The following KDM1A variants were observed in gnomAD, a reference collection of about 807,000 sequenced individuals.
The protein encoded by KDM1A is lysine demethylase 1A.
KDM1A carries 49 observed loss-of-function variants against 109.4 expected under a neutral mutation model. That is an observed-to-expected ratio of 0.45 (90% CI 0.36 to 0.57). KDM1A has a LOEUF of 0.57. KDM1A is among the 20% of genes least tolerant of loss of function. The pLI, the probability that KDM1A is intolerant of heterozygous loss-of-function variation, is 0.00. For missense variants in KDM1A, 668 were observed against 1,116.6 expected (o/e 0.60, Z 5.73); for synonymous variants, 380 against 415.4 (o/e 0.91, Z 1.04).
intron 14 of KDM1A, among the ~76,000 whole-genome samples, chr1:23,072,563 T>C (rs935682034): frequency 2.6e-4 from 40 of 152,254 alleles, no homozygotes; most frequent in African/African-American, 8.4e-4. Flanking sequence ...CACTGGGTTT[T>C]TGACAGTGAA....
At chr1:23,042,695 G>A (rs556597908) in intron 2 of KDM1A, among the ~76,000 whole-genome samples, 7 of 150,830 alleles carry the variant, frequency 4.6e-5, no homozygotes, top group African/African-American at 7.3e-5. Flanking sequence ...CTCGTGATCC[G>A]CCCGCCTCGG....
intron 2 of KDM1A, among the ~76,000 whole-genome samples, chr1:23,036,869 A>T (rs970791356): frequency 1.3e-5 from 2 of 152,218 alleles, no homozygotes; most frequent in Admixed American, 6.5e-5. Context: ...CAAATGTAGT[A>T]GTTCCTCATT....
intron 2 of KDM1A, among the ~76,000 whole-genome samples, chr1:23,043,395 T>C (rs940059855): frequency 2.0e-5 from 3 of 152,370 alleles, no homozygotes; most frequent in East Asian, 3.9e-4. Context: ...TAATTTCTTA[T>C]ATCTAAGTAT....
At chr1:23,034,609 C>T (rs1257384205) in intron 2 of KDM1A, among the ~76,000 whole-genome samples, 1 of 152,132 alleles carries the variant, frequency 6.6e-6, no homozygotes, top group Non-Finnish European at 1.5e-5. Context: ...TTTTTATTTT[C>T]ACATGGAAAC....
At chr1:23,038,743 T>C (rs1642223584) in intron 2 of KDM1A, among the ~76,000 whole-genome samples, 1 of 152,224 alleles carries the variant, frequency 6.6e-6, no homozygotes, top group African/African-American at 2.4e-5. Context: ...TGTGGTGTTA[T>C]TGTTCTTTCA....
intron 2 of KDM1A, 95 bp from the exon 3 acceptor site, chr1:23,044,332 T>C: frequency 9.2e-7 from 1 of 1,085,386 alleles, no homozygotes; most frequent in Non-Finnish European, 1.4e-6. Context: ...TAGTTGGTGG[T>C]GAATTCATGA....
At chr1:23,078,473 C>T (rs1370205865) in intron 16 of KDM1A, among the ~76,000 whole-genome samples, 2 of 152,196 alleles carry the variant, frequency 1.3e-5, no homozygotes, top group Admixed American at 6.5e-5. Context: ...CAGCTTTGAA[C>T]TCATTCATAC....
chr1:23,022,644 T>C (rs1641672794), intron 1 of KDM1A, among the ~76,000 whole-genome samples: 4 of 126,342 alleles, frequency 3.2e-5, no homozygotes, highest in East Asian at 4.6e-4. Context: ...CTGGCCTTCT[T>C]CTTCTTTTTT....
intron 16 of KDM1A, 131 bp from the exon 17 acceptor site, chr1:23,078,859 A>C: frequency 1.2e-6 from 1 of 848,416 alleles, no homozygotes; most frequent in South Asian, 1.7e-5. Flanking sequence ...TCTTATGTGA[A>C]ACATGAAGGT....
At chr1:23,053,647 A>G (rs1044419980) in intron 4 of KDM1A, 114 bp from the exon 5 acceptor site, 2 of 723,536 alleles carry the variant, frequency 2.8e-6, no homozygotes, top group East Asian at 2.8e-5. Context: ...CAGCCTCCCA[A>G]ACTGCTGGGA....
chr1:23,073,358 T>C lies in KDM1A; in HGVS notation c.1689T>C (p.Ala563=), dbSNP rs1357438034. 1.9e-6 allele frequency: 3 copies of C among 1,612,698 alleles called. No homozygotes were observed. Among genetic ancestry groups the C allele is most frequent in the Non-Finnish European group, 2.5e-6 (3 of 1,179,008 alleles). Residue 563 remains alanine (A), a synonymous_variant, in exon 15 of 21, where the codon GCT becomes GCC. Coordinates refer to ENST00000400181, the MANE Select transcript of KDM1A (RefSeq NM_001009999.3). Reference sequence around the variant, plus strand: ...GGCATTTTGCAAATCTTGAATTTGCTAATGCCACACCTCTCTCAACTCTCT... The same window carrying C: ...GGCATTTTGCAAATCTTGAATTTGCCAATGCCACACCTCTCTCAACTCTCT... ...LDWHFANLEF[A]NATPLSTLSL... is the part of the protein sequence containing the mutation.
intron 9 of KDM1A, among the ~76,000 whole-genome samples, chr1:23,063,546 T>C (rs539559241): frequency 7.2e-5 from 11 of 152,212 alleles, no homozygotes; most frequent in Admixed American, 2.0e-4. Context: ...AATATCTTTA[T>C]GACAGTCTTT....
chr1:23,077,518 G>T (rs1643500877), intron 16 of KDM1A, among the ~76,000 whole-genome samples, 158 bp downstream of exon 16: 1 of 152,200 alleles, frequency 6.6e-6, no homozygotes, highest in Admixed American at 6.5e-5. Flanking sequence ...AGAGTCTTTG[G>T]TGGTTCTAAC....
intron 9 of KDM1A, among the ~76,000 whole-genome samples, chr1:23,065,702 TTTTG>T (rs1258028732): frequency 1.3e-5 from 2 of 152,168 alleles, no homozygotes; most frequent in Non-Finnish European, 2.9e-5. Context: ...TTGGTTTGGT[TTTTG>T]TTTGTTTGAT....
chr1:23,069,081 A>T lies in KDM1A; in HGVS notation c.1343A>T (p.Lys448Ile). The T allele has an allele frequency of 6.2e-7, 1 of 1,610,444 alleles. No homozygotes were observed. Among genetic ancestry groups the T allele is most frequent in the Non-Finnish European group, 8.5e-7 (1 of 1,178,236 alleles). Residue 448 changes from lysine to isoleucine, a missense_variant, in exon 12 of 21, where the codon AAA (lysine) becomes ATA (isoleucine). This residue lies in a region of KDM1A where 62 missense variants were observed against 82.8 expected (regional missense o/e 0.75). Coordinates refer to ENST00000400181, the MANE Select transcript of KDM1A (RefSeq NM_001009999.3). ...VVIQLQEKHVKDEQIEHWKKI... is the reference protein window; with the variant it reads ...VVIQLQEKHVIDEQIEHWKKI... ...CTTAGGTTACAAGAGAAGCATGTCA[A>T]AGATGAGCAGATTGAACATTGGAAG...
chr1:23,062,148 G>C (rs1204740595), intron 9 of KDM1A, among the ~76,000 whole-genome samples: 1 of 152,206 alleles, frequency 6.6e-6, no homozygotes. Context: ...TCAGTAAGTT[G>C]AAGAGCCAGA....
chr1:23,063,859 G>A (rs1470305902), intron 9 of KDM1A, among the ~76,000 whole-genome samples: 1 of 152,112 alleles, frequency 6.6e-6, no homozygotes, highest in Non-Finnish European at 1.5e-5. Context: ...TGGGAGTGGG[G>A]GGAAGACAAC....
chr1:23,068,512 C>T, intron 10 of KDM1A, 27 bp from the exon 11 acceptor site: 6 of 1,543,970 alleles, frequency 3.9e-6, no homozygotes, highest in Non-Finnish European at 5.2e-6. Context: ...TTATAAGGAC[C>T]AACTCTGCTA....
rs376402031 is a variant in KDM1A, at chr1:23,044,408, C to T, written c.518-19C>T. 12 of 1,610,752 alleles carry T rather than the reference C, an allele frequency of 7.4e-6. No homozygotes were observed. Among genetic ancestry groups the T allele is most frequent in the African/African-American group, 2.7e-5 (2 of 74,844 alleles). ...ATTTATGGAGTAAGGTCCCTGAGTTCTCCTCTTTCCTTCCACAGGGCAAGC... is the reference window on the plus strand; with the variant it reads ...ATTTATGGAGTAAGGTCCCTGAGTTTTCCTCTTTCCTTCCACAGGGCAAGC... On this transcript the variant is annotated intron_variant, in intron 2 of 20. Transcript: ENST00000400181.
Sources: allele counts gnomAD v4.1 joint callset (sites outside exome capture counted in the v4.1 genomes callset), GRCh38; gene constraint gnomAD v4.1.1; regional missense constraint gnomAD v4.1.1; transcripts MANE v1.5; gene names NCBI Gene and HGNC (gene_info 2026-07-23, HGNC 2026-07-21).